BRWD1: variants seen among roughly 807,000 people sequenced by gnomAD.
BRWD1 encodes bromodomain and WD repeat domain containing 1.
A neutral mutation model predicts 251.2 loss-of-function variants in BRWD1; 82 were observed. The ratio of observed to expected loss-of-function variants is 0.33; its 90% confidence interval spans 0.27 to 0.39. The LOEUF is 0.39. BRWD1 is among the 10% of genes least tolerant of loss of function. The probability of loss-of-function intolerance (pLI) is 1.00; values close to 1 mark genes in which losing one functional copy is unlikely to be tolerated. For synonymous variants in BRWD1, 918 were observed against 902.8 expected, an observed-to-expected ratio of 1.02 and a Z score of -0.30; for missense variants, 2,233 against 2,711.6, an observed-to-expected ratio of 0.82 and a Z score of 3.92.
intron 8 of BRWD1, among the ~76,000 whole-genome samples, chr21:39,281,879 A>AAAT (rs571089151): frequency 8.4e-5 from 7 of 83,218 alleles, no homozygotes; most frequent in African/African-American, 3.3e-4. Context: ...TACCAAAAAA[A>AAAT]ATATATATAT....
intron 17 of BRWD1, among the ~76,000 whole-genome samples, chr21:39,259,779 G>A (rs2034681300): frequency 6.6e-6 from 1 of 152,132 alleles, no homozygotes; most frequent in Admixed American, 6.5e-5. Context: ...GAAGGTTGCA[G>A]TGAGCCAAGA....
intron 1 of BRWD1, 67 bp downstream of exon 1, chr21:39,313,376 C>A (rs868147779): frequency 3.2e-6 from 4 of 1,252,844 alleles, no homozygotes; most frequent in Non-Finnish European, 4.3e-6. Flanking sequence ...CGGGGGAGCC[C>A]GGGGAGCCGG....
At chr21:39,257,637 G>A (rs1435614458) in intron 18 of BRWD1, among the ~76,000 whole-genome samples, 1 of 152,020 alleles carries the variant, frequency 6.6e-6, no homozygotes, top group Non-Finnish European at 1.5e-5. Flanking sequence ...AGATAGCAGT[G>A]CTATATCAAC....
chr21:39,314,742 C>T (rs2036661498), upstream of BRWD1: 2 of 216,114 alleles, frequency 9.3e-6, no homozygotes, highest in South Asian at 1.2e-4. Context: ...CTACACACCA[C>T]ATAGACGTTA....
chr21:39,259,714 G>A (rs2034678919), intron 17 of BRWD1, among the ~76,000 whole-genome samples: 1 of 152,152 alleles, frequency 6.6e-6, no homozygotes, highest in Non-Finnish European at 1.5e-5. Flanking sequence ...GCGCACGCCT[G>A]TAGTCACAGC....
intron 8 of BRWD1, among the ~76,000 whole-genome samples, chr21:39,293,108 CAG>C (rs2035862381): frequency 6.6e-6 from 1 of 152,150 alleles, no homozygotes; most frequent in African/African-American, 2.4e-5. Flanking sequence ...CATGGGTTGA[CAG>C]ATACATAGGG....
chr21:39,236,572 T>C, intron 23 of BRWD1, 23 bp downstream of exon 23: 1 of 1,538,888 alleles, frequency 6.5e-7, no homozygotes, highest in Non-Finnish European at 8.8e-7. Flanking sequence ...TACATGCTAT[T>C]TTTAAAGATA....
chr21:39,276,424 A>G (rs1294950866), intron 11 of BRWD1, among the ~76,000 whole-genome samples: 1 of 152,226 alleles, frequency 6.6e-6, no homozygotes, highest in Non-Finnish European at 1.5e-5. Flanking sequence ...CATTTCAAAG[A>G]AAGGCACATC....
chr21:39,298,715 G>A (rs575344654), intron 4 of BRWD1, 133 bp from the exon 5 acceptor site: 9 of 659,008 alleles, frequency 1.4e-5, no homozygotes, highest in East Asian at 9.7e-5. Flanking sequence ...AATTAAAGAC[G>A]ACTTAAATAA....
At chr21:39,215,024 C>T (rs776090502) in intron 32 of BRWD1, among the ~76,000 whole-genome samples, 9 of 149,754 alleles carry the variant, frequency 6.0e-5, no homozygotes, top group Admixed American at 6.8e-5. Flanking sequence ...CCCGCCACCA[C>T]GCCCGGCTAA....
intron 17 of BRWD1, among the ~76,000 whole-genome samples, chr21:39,260,083 A>T (rs1033513665): frequency 6.6e-6 from 1 of 152,136 alleles, no homozygotes; most frequent in Admixed American, 6.5e-5. Flanking sequence ...GCTAAATGTT[A>T]TATCTCATAT....
chr21:39,239,119 T>C (rs1315433552), intron 21 of BRWD1, among the ~76,000 whole-genome samples: 1 of 152,174 alleles, frequency 6.6e-6, no homozygotes, highest in African/African-American at 2.4e-5. Context: ...TAATATTTTA[T>C]CCTGGTTTGT....
Position 39,291,635 on chromosome 21 carries a change from T to G in BRWD1, c.831+2176A>C, listed in dbSNP as rs551270147. 5.3e-5 allele frequency among the ~76,000 whole-genome samples: 8 copies of G among 152,270 alleles called. No homozygotes were observed. The South Asian group carries it at 1.7e-3, about 32-fold the overall frequency. On this transcript the variant is annotated intron_variant, in intron 8 of 40. Coordinates refer to ENST00000342449, the MANE Select transcript of BRWD1 (RefSeq NM_033656.4). ...ATGAATCCTACTAAGGAGAGTTAAC[T>G]CTATCCGCCCATATGTGCACAAGGC...
intron 4 of BRWD1, among the ~76,000 whole-genome samples, chr21:39,308,656 T>C (rs549920465): frequency 6.6e-6 from 1 of 152,282 alleles, no homozygotes; most frequent in South Asian, 2.1e-4. Flanking sequence ...ACAAAGATTC[T>C]GATTTAACTG....
intron 25 of BRWD1, among the ~76,000 whole-genome samples, chr21:39,231,466 T>C (rs1345597728): frequency 1.3e-5 from 2 of 152,222 alleles, no homozygotes; most frequent in African/African-American, 4.8e-5. Context: ...TATTGTGGAA[T>C]ATCTGAATTT....
chr21:39,248,331 G>C (rs941461009), intron 20 of BRWD1, among the ~76,000 whole-genome samples: 10 of 151,882 alleles, frequency 6.6e-5, no homozygotes, highest in Non-Finnish European at 1.3e-4. Context: ...AAAAGTCAAG[G>C]CCAGACGCGG....
At chr21:39,273,753 C>A (rs1022216293) in intron 13 of BRWD1, among the ~76,000 whole-genome samples, 2 of 152,014 alleles carry the variant, frequency 1.3e-5, no homozygotes, top group African/African-American at 4.8e-5. Flanking sequence ...GACCCTAAAC[C>A]ATTTTTTTTA....
In BRWD1 at chr21:39,278,717, A is replaced by T. The variant is rs780896632; in HGVS notation, c.1003+26T>A. The T allele has an allele frequency of 2.8e-5, 44 of 1,545,958 alleles. No homozygotes were observed. In the East Asian group the frequency reaches 9.3e-4, roughly 33 times the overall value. ...ATAGATGTTTAAAAAAAAAAAACTA[A>T]GAAAAAAATGTGAAGAAGTTCTTAC... On this transcript the variant is annotated intron_variant, in intron 10 of 40. Transcript: ENST00000342449.
At chr21:39,247,913 T>C in intron 20 of BRWD1, 81 bp from the exon 21 acceptor site, 1 of 1,395,396 alleles carries the variant, frequency 7.2e-7, no homozygotes. Flanking sequence ...CCGTCAAGTT[T>C]CCAGAAGGAT....
Sources: allele counts gnomAD v4.1 joint callset (sites outside exome capture counted in the v4.1 genomes callset), GRCh38; gene constraint gnomAD v4.1.1; transcripts MANE v1.5; gene names NCBI Gene and HGNC (gene_info 2026-07-23, HGNC 2026-07-21).